The following CELF2 variants were observed in gnomAD, a reference collection of about 807,000 sequenced individuals.
The protein encoded by CELF2 is CUG triplet repeat RNA-binding protein 2.
CELF2 carries 8 observed loss-of-function variants against 62.6 expected under a neutral mutation model. That is an observed-to-expected ratio of 0.13 (90% confidence interval 0.07 to 0.23). The LOEUF (loss-of-function observed/expected upper bound fraction) is 0.23, where lower values mean the gene tolerates loss of function less well. Among genes scored for constraint, CELF2 ranks in the 10% least tolerant of loss-of-function variants. The pLI, the probability that CELF2 is intolerant of heterozygous loss-of-function variation, is 1.00. For synonymous variants in CELF2, 258 were observed against 250.0 expected, an observed-to-expected ratio of 1.03 and a Z score of -0.30; for missense variants, 333 against 671.0, an observed-to-expected ratio of 0.50 and a Z score of 5.56.
intron 1 of CELF2, among the ~76,000 whole-genome samples, chr10:10,859,259 G>A (rs1303336777): frequency 6.6e-6 from 1 of 152,028 alleles, no homozygotes; most frequent in African/African-American, 2.4e-5. Context: ...CTTGGTTGAG[G>A]GCTCAGGTTG....
the CELF2 span, among the ~76,000 whole-genome samples, chr10:10,667,240 A>T: frequency 2.6e-5 from 4 of 152,192 alleles, no homozygotes; most frequent in African/African-American, 7.2e-5. Flanking sequence ...TGTTTTAATT[A>T]TGCAACAGAA....
chr10:11,112,949 G>T (rs2055587069), intron 1 of CELF2, among the ~76,000 whole-genome samples: 1 of 151,684 alleles, frequency 6.6e-6, no homozygotes, highest in South Asian at 2.1e-4. Flanking sequence ...AGTAAACACA[G>T]TGCATTTCCA....
At chr10:10,746,680 C>T in the CELF2 span, among the ~76,000 whole-genome samples, 3 of 152,136 alleles carry the variant, frequency 2.0e-5, no homozygotes. Context: ...TTACTAGTCT[C>T]ATAGACGTAA....
At position 10,992,298 on chromosome 10, in the gene CELF2, G is replaced by A. The variant is rs188509142; in HGVS notation, c.89+72299G>A. On this transcript the variant is annotated intron_variant, in intron 2 of 13. Coordinates refer to the CELF2 transcript ENST00000636488. The stretch of plus-strand genomic sequence containing the variant: ...TTGTGAGTTGGGCTCAAATCTCCAT[G>A]TGTGTTTGTTCTGGGACCCAGGTGG... 2.8e-3 allele frequency among the ~76,000 whole-genome samples: 424 copies of A among 152,296 alleles called. 17 individuals are homozygous for A. Among genetic ancestry groups the A allele is most frequent in the Middle Eastern group, 6.8e-3 (2 of 294 alleles).
chr10:11,146,403 G>T (rs761899705), intron 1 of CELF2, among the ~76,000 whole-genome samples: 10 of 152,218 alleles, frequency 6.6e-5, no homozygotes, highest in Non-Finnish European at 1.3e-4. Flanking sequence ...ATAAGATAAT[G>T]TGTAAGCATA....
chr10:11,133,377 C>A (rs1352383402), intron 1 of CELF2, among the ~76,000 whole-genome samples: 1 of 152,162 alleles, frequency 6.6e-6, no homozygotes, highest in African/African-American at 2.4e-5. Flanking sequence ...AATCATTGAT[C>A]TTTTTGATCC....
the CELF2 span, among the ~76,000 whole-genome samples, chr10:10,506,864 C>T: frequency 2.6e-5 from 4 of 151,704 alleles, no homozygotes; most frequent in Admixed American, 2.0e-4. Flanking sequence ...GGGGATTCCC[C>T]ATGTTGGCCA....
the CELF2 span, among the ~76,000 whole-genome samples, chr10:10,544,453 C>T: frequency 9.8e-5 from 15 of 152,320 alleles, no homozygotes; most frequent in African/African-American, 3.4e-4. Flanking sequence ...TTTCGCTCTG[C>T]GCTTCAGTGG....
chr10:10,779,079 C>G, the CELF2 span, among the ~76,000 whole-genome samples: 2 of 152,350 alleles, frequency 1.3e-5, no homozygotes, highest in South Asian at 4.1e-4. Context: ...TTGACAAAGT[C>G]TGAGTTCATC....
the CELF2 span, among the ~76,000 whole-genome samples, chr10:10,617,015 C>T: frequency 6.6e-6 from 1 of 152,066 alleles, no homozygotes; most frequent in Non-Finnish European, 1.5e-5. Context: ...CCTCAGCCTC[C>T]CAAAGTGCTG....
intron 3 of CELF2, among the ~76,000 whole-genome samples, chr10:11,239,542 C>T (rs903048230): frequency 2.0e-5 from 3 of 152,200 alleles, no homozygotes; most frequent in Admixed American, 6.5e-5. Flanking sequence ...ACAACTGTAG[C>T]GGGCACTTAC....
At chr10:10,531,882 G>GA in the CELF2 span, among the ~76,000 whole-genome samples, 1 of 152,288 alleles carries the variant, frequency 6.6e-6, no homozygotes, top group East Asian at 1.9e-4. Flanking sequence ...AATGGTGTTG[G>GA]GAACAGGCCC....
intron 1 of CELF2, among the ~76,000 whole-genome samples, chr10:11,112,220 G>T (rs536949301): frequency 6.6e-6 from 1 of 152,326 alleles, no homozygotes; most frequent in South Asian, 2.1e-4. Flanking sequence ...TGCTTTATAG[G>T]CTCTTGCATA....
chr10:10,659,713 A>G, the CELF2 span, among the ~76,000 whole-genome samples: 1 of 152,318 alleles, frequency 6.6e-6, no homozygotes, highest in Middle Eastern at 3.4e-3. Context: ...CATGAGGACT[A>G]TTTAGTGCCT....
rs1010325078 is a variant in CELF2, at chr10:11,255,209, G to A, written c.404-2529G>A. On this transcript the variant is annotated intron_variant, in intron 4 of 12. Coordinates refer to ENST00000633077, the MANE Select transcript of CELF2 (RefSeq NM_001326342.2). The surrounding 1 kb of genome is among the most constrained non-coding windows in gnomAD (Gnocchi z 5.5). ...AAAGAACTTGAATTAGAAGTTTTCC[G>A]TCAGCGTACAGGAGGTCAGGTCCTC... Among the ~76,000 whole-genome samples, 4 of 152,180 alleles carry A rather than the reference G, an allele frequency of 2.6e-5. No homozygotes were observed. Among genetic ancestry groups the A allele is most frequent in the African/African-American group, 4.8e-5 (2 of 41,420 alleles).
the CELF2 span, among the ~76,000 whole-genome samples, chr10:10,465,263 C>T: frequency 2.6e-5 from 4 of 151,980 alleles, no homozygotes; most frequent in African/African-American, 9.7e-5. Context: ...CTTCAGGAAA[C>T]AAGAAAAACG....
At chr10:11,197,132 G>A (rs1199226579) in intron 2 of CELF2, among the ~76,000 whole-genome samples, 3 of 152,020 alleles carry the variant, frequency 2.0e-5, no homozygotes, top group Non-Finnish European at 4.4e-5. Flanking sequence ...TGTCTGCGTT[G>A]GTTGAGTCTG....
chr10:10,947,533 A>G lies in CELF2; in HGVS notation c.89+27534A>G, dbSNP rs2047828987. ...AGATTAACATTCCCCGAATTTGTTG[A>G]TTATTTCGTGTTGTGTTGAATTCCT... On this transcript the variant is annotated intron_variant, in intron 2 of 13. Transcript: ENST00000636488. The surrounding 1 kb of genome is among the most constrained non-coding windows in gnomAD (Gnocchi z 4.1). 1 of 152,636 alleles carries G rather than the reference A, an allele frequency of 6.6e-6. No individual in the cohort carries two copies. Among genetic ancestry groups the G allele is most frequent in the Non-Finnish European group, 1.5e-5 (1 of 68,044 alleles). The allele number at this position is 152,636 out of a possible 1,614,324, so 9.5% of individuals were successfully genotyped here.
chr10:11,024,469 C>T (rs576242116), intron 1 of CELF2, among the ~76,000 whole-genome samples: 3 of 152,192 alleles, frequency 2.0e-5, no homozygotes, highest in South Asian at 2.1e-4. Context: ...GCCGTGGTTT[C>T]GCATGCCTCT....
Sources: gnomAD v4.1 joint callset for allele counts (sites outside exome capture counted in the v4.1 genomes callset) on GRCh38, gnomAD v4.1.1 for gene constraint, Gnocchi (gnomAD v3.1) non-coding constraint, MANE v1.5 for transcripts, NCBI Gene and HGNC (gene_info 2026-07-23, HGNC 2026-07-21) for gene names.